Variants in KDM4C observed in about 807,000 individuals in gnomAD.
KDM4C encodes lysine demethylase 4C.
In KDM4C, 81 loss-of-function variants were observed where a neutral mutation model predicts 129.3. That is an observed-to-expected ratio of 0.63 (90% CI 0.52 to 0.75). The LOEUF (loss-of-function observed/expected upper bound fraction) is 0.75. Among genes scored for constraint, KDM4C ranks in the 30% least tolerant of loss-of-function variants. KDM4C has a pLI of 0.00. For synonymous variants in KDM4C, 573 were observed against 456.1 expected (o/e 1.26, Z -3.26); for missense variants, 1,457 against 1,304.0 (o/e 1.12, Z -1.81).
intron 17 of KDM4C, among the ~76,000 whole-genome samples, chr9:7,078,627 G>A (rs1007302208): frequency 2.0e-5 from 3 of 151,984 alleles, no homozygotes; most frequent in African/African-American, 7.3e-5. Context: ...TTCCATTATT[G>A]TCTTGCATTT....
Position 6,758,430 on chromosome 9 carries a change from G to T in KDM4C, c.-18+227G>T, listed in dbSNP as rs1439308004. On this transcript the variant is annotated intron_variant, in intron 1 of 21. Coordinates refer to ENST00000381309, the MANE Select transcript of KDM4C (RefSeq NM_015061.6). The surrounding 1 kb of genome is among the most constrained non-coding windows in gnomAD (Gnocchi z 4.6). ...GCGGGGGCCGGTGACAGCCCGCTCC[G>T]GCCCTTACCGAGGTTCGGTACCCGC... is the stretch of plus-strand genomic sequence containing the variant. 1.3e-5 allele frequency among the ~76,000 whole-genome samples: 2 copies of T among 152,216 alleles called. No homozygotes were observed. Among genetic ancestry groups the T allele is most frequent in the African/African-American group, 2.4e-5 (1 of 41,458 alleles).
intron 4 of KDM4C, among the ~76,000 whole-genome samples, chr9:6,817,195 G>GCCCCCC (rs35527694): frequency 4.2e-3 from 225 of 53,268 alleles, no homozygotes; most frequent in Middle Eastern, 0.014. Context: ...CCCTCCCCCT[G>GCCCCCC]CCCCCCCCCC....
At chr9:7,103,940 C>T (rs1482018434) in intron 18 of KDM4C, 70 bp downstream of exon 18, 15 of 1,360,820 alleles carry the variant, frequency 1.1e-5, no homozygotes, top group Non-Finnish European at 1.6e-5. Context: ...GACTACCTCC[C>T]AGACATAATG....
intron 5 of KDM4C, among the ~76,000 whole-genome samples, chr9:6,866,970 T>TG (rs2130581385): frequency 2.6e-5 from 1 of 38,632 alleles, no homozygotes; most frequent in African/African-American, 5.6e-5. Context: ...AAAATATATG[T>TG]TTGTGTGTGT....
At chr9:6,883,197 G>T (rs1368834722) in intron 6 of KDM4C, among the ~76,000 whole-genome samples, 4 of 152,090 alleles carry the variant, frequency 2.6e-5, no homozygotes, top group Non-Finnish European at 5.9e-5. Context: ...CTCTCAAAAT[G>T]GTAAATATTA....
chr9:6,986,351 C>G lies in KDM4C; in HGVS notation c.1362C>G (p.Ser454Arg), dbSNP rs1817695806. The G allele has an allele frequency of 6.2e-7, 1 of 1,604,168 alleles. No homozygotes were observed. Among genetic ancestry groups the G allele is most frequent in the Non-Finnish European group, 8.5e-7 (1 of 1,172,322 alleles). Residue 454 changes from serine (S) to arginine (R), a missense_variant, in exon 11 of 22, where the codon AGC becomes AGG. Transcript: ENST00000381309. ...CTTCTGTTTTATCCTCAGGAAACAG[C>G]TGCTTAAGTACATCTGTAACAGAAG... ...LSDHIKLSGN[S>R]CLSTSVTEDI...
chr9:6,815,239 A>C (rs1341228089), intron 4 of KDM4C: 1 of 152,002 alleles, frequency 6.6e-6, no homozygotes, highest in African/African-American at 2.4e-5. Flanking sequence ...TAGCCATTTT[A>C]ATGGTGGCGT....
intron 6 of KDM4C, among the ~76,000 whole-genome samples, chr9:6,882,147 A>T (rs1042925854): frequency 6.6e-6 from 1 of 152,192 alleles, no homozygotes; most frequent in Non-Finnish European, 1.5e-5. Context: ...TTTCTTATTT[A>T]TACAGGTTTT....
intron 4 of KDM4C, among the ~76,000 whole-genome samples, chr9:6,832,740 T>TA (rs1441015905): frequency 1.4e-5 from 2 of 147,346 alleles, no homozygotes; most frequent in Non-Finnish European, 3.0e-5. Context: ...TTTTTTTTTT[T>TA]TACGGAGATG....
intron 12 of KDM4C, among the ~76,000 whole-genome samples, chr9:7,002,355 G>A (rs539881964): frequency 6.6e-6 from 1 of 152,094 alleles, no homozygotes; most frequent in African/African-American, 2.4e-5. Flanking sequence ...ATAAATTTAT[G>A]GGGTACAAAA....
At chr9:7,162,815 C>T (rs1365328723) in intron 19 of KDM4C, among the ~76,000 whole-genome samples, 1 of 152,054 alleles carries the variant, frequency 6.6e-6, no homozygotes, top group East Asian at 1.9e-4. Context: ...GGTACAGCCT[C>T]ATGTATTTCC....
At chr9:7,165,504 T>C in intron 20 of KDM4C, 147 bp downstream of exon 20, 2 of 917,618 alleles carry the variant, frequency 2.2e-6, no homozygotes, top group Non-Finnish European at 3.3e-6. Context: ...CAATGTGTAA[T>C]GACCCAGGTC....
intron 8 of KDM4C, among the ~76,000 whole-genome samples, chr9:6,919,242 C>CTT (rs1820924357): frequency 3.2e-5 from 3 of 94,666 alleles, no homozygotes; most frequent in Non-Finnish European, 4.7e-5. Context: ...TTCTTTCTTT[C>CTT]TTTCTTTTCT....
intron 4 of KDM4C, among the ~76,000 whole-genome samples, chr9:6,831,055 T>C (rs138486261): frequency 3.9e-5 from 6 of 152,382 alleles, no homozygotes; most frequent in African/African-American, 1.4e-4. Flanking sequence ...TAAGTGGTAC[T>C]CACTTTTCCT....
At chr9:7,149,456 G>A (rs745691455) in intron 19 of KDM4C, among the ~76,000 whole-genome samples, 40 of 152,216 alleles carry the variant, frequency 2.6e-4, no homozygotes, top group Non-Finnish European at 4.7e-4. Flanking sequence ...GCTGCACCTG[G>A]GAGCATGGGC....
chr9:7,091,339 G>A (rs1470814544), intron 17 of KDM4C, among the ~76,000 whole-genome samples: 4 of 151,738 alleles, frequency 2.6e-5, no homozygotes, highest in South Asian at 2.1e-4. Flanking sequence ...AAAAGATTTC[G>A]GCAAACTTCA....
chr9:7,076,812 C>T lies in KDM4C; in HGVS notation c.2425-26873C>T, dbSNP rs532018838. 302 of 1,023,170 alleles carry T rather than the reference C, an allele frequency of 3.0e-4. 1 individual carries two copies. In the African/African-American group the frequency reaches 5.0e-3, roughly 17 times the overall value. 63.4% of individuals were successfully genotyped at this position (1,023,170 alleles called of 1,614,324 possible). A position where few individuals can be genotyped will look rare whatever the true frequency, so the allele number is the denominator to read the frequency against. ...TTGTGATTTAGTCCAACGTGTCCTA[C>T]TACAGCCTCAAAAATTGTCATTGGA... On this transcript the variant is annotated intron_variant, in intron 17 of 21. Coordinates refer to ENST00000381309, the MANE Select transcript of KDM4C (RefSeq NM_015061.6).
Position 6,758,767 on chromosome 9 carries a change from C to G in KDM4C, c.-18+564C>G, listed in dbSNP as rs553010437. Among the ~76,000 whole-genome samples, 43 of 152,364 alleles carry G rather than the reference C, an allele frequency of 2.8e-4. No homozygotes were observed. Among genetic ancestry groups the G allele is most frequent in the African/African-American group, 1.0e-3 (43 of 41,594 alleles). Reference sequence around the variant, plus strand: ...CATGGGGCCATTTCTTCCTGCAGTGCCTGGAGGAACCATGATGCGGTGTAG... The same window carrying G: ...CATGGGGCCATTTCTTCCTGCAGTGGCTGGAGGAACCATGATGCGGTGTAG... On this transcript the variant is annotated intron_variant, in intron 1 of 21. Coordinates refer to ENST00000381309, the MANE Select transcript of KDM4C (RefSeq NM_015061.6). This position sits in a 1 kb window ranked among gnomAD's most constrained non-coding sequence, Gnocchi z 4.6.
chr9:7,122,909 C>T (rs944705563), intron 18 of KDM4C, among the ~76,000 whole-genome samples: 1 of 152,186 alleles, frequency 6.6e-6, no homozygotes, highest in Non-Finnish European at 1.5e-5. Context: ...CGCATGATGC[C>T]TGTCTTCTCT....
Sources: gnomAD v4.1 joint callset for allele counts (sites outside exome capture counted in the v4.1 genomes callset) on GRCh38, gnomAD v4.1.1 for gene constraint, Gnocchi (gnomAD v3.1) non-coding constraint, MANE v1.5 for transcripts, NCBI Gene and HGNC (gene_info 2026-07-23, HGNC 2026-07-21) for gene names.